Variants in CEP112 observed in about 807,000 individuals in gnomAD.
CEP112 encodes centrosomal protein of 112 kDa.
Under a neutral mutation model 153.0 loss-of-function variants are expected in CEP112, and 127 were observed. That is an observed-to-expected ratio of 0.83 (90% CI 0.72 to 0.96). CEP112 has a LOEUF of 0.96. Among genes scored for constraint, CEP112 ranks in the 40% least tolerant of loss-of-function variants. The probability of loss-of-function intolerance (pLI) is 0.00; values close to 1 mark genes in which losing one functional copy is unlikely to be tolerated. For synonymous variants in CEP112, 358 were observed against 374.4 expected, an observed-to-expected ratio of 0.96 and a Z score of 0.51; for missense variants, 1,089 against 1,101.2, an observed-to-expected ratio of 0.99 and a Z score of 0.16.
At chr17:65,974,571 T>C (rs937664814) in intron 17 of CEP112, among the ~76,000 whole-genome samples, 1 of 152,146 alleles carries the variant, frequency 6.6e-6, no homozygotes, top group Non-Finnish European at 1.5e-5. Flanking sequence ...CATGACAGCA[T>C]CACATGCAAC....
At chr17:65,724,960 G>A (rs750508000) in intron 23 of CEP112, among the ~76,000 whole-genome samples, 19 of 151,986 alleles carry the variant, frequency 1.3e-4, no homozygotes, top group Non-Finnish European at 2.5e-4. Context: ...TGACTTCCTT[G>A]CCCTCTTCTT....
At chr17:66,058,721 G>A (rs1411588227) in intron 11 of CEP112, among the ~76,000 whole-genome samples, 1 of 151,948 alleles carries the variant, frequency 6.6e-6, no homozygotes, top group Non-Finnish European at 1.5e-5. Flanking sequence ...GTGTGGTAAT[G>A]CACACCTGTA....
intron 20 of CEP112, among the ~76,000 whole-genome samples, chr17:65,886,032 C>A (rs1222110402): frequency 1.3e-5 from 2 of 152,174 alleles, no homozygotes; most frequent in Non-Finnish European, 2.9e-5. Context: ...TGGGATTAAA[C>A]CCTTTTCATC....
intron 17 of CEP112, among the ~76,000 whole-genome samples, chr17:65,975,464 A>G (rs1026343643): frequency 6.6e-6 from 1 of 152,206 alleles, no homozygotes; most frequent in African/African-American, 2.4e-5. Flanking sequence ...ATATATACAC[A>G]CACAGGGATG....
intron 8 of CEP112, among the ~76,000 whole-genome samples, chr17:66,086,118 T>G (rs1429404251): frequency 6.6e-6 from 1 of 152,000 alleles, no homozygotes; most frequent in Non-Finnish European, 1.5e-5. Context: ...AAGAATGAGT[T>G]GAGAAAGGGA....
At chr17:66,078,263 C>CTTTTTT (rs573290197) in intron 8 of CEP112, among the ~76,000 whole-genome samples, 1 of 83,856 alleles carries the variant, frequency 1.2e-5, no homozygotes, top group African/African-American at 3.5e-5. Flanking sequence ...TTTTCTTTTT[C>CTTTTTT]TTTTTTTTTT....
At chr17:65,886,360 T>C (rs377015340) in intron 20 of CEP112, among the ~76,000 whole-genome samples, 6 of 152,216 alleles carry the variant, frequency 3.9e-5, no homozygotes. Flanking sequence ...AGCTTTTTAA[T>C]GGCTAAAAAA....
intron 17 of CEP112, among the ~76,000 whole-genome samples, chr17:65,964,590 A>T (rs1351537361): frequency 6.6e-6 from 1 of 152,192 alleles, no homozygotes; most frequent in South Asian, 2.1e-4. Flanking sequence ...TGGCTTGGCA[A>T]ATAGATGCTC....
chr17:65,910,220 T>G (rs2060234623), intron 19 of CEP112, among the ~76,000 whole-genome samples: 1 of 152,150 alleles, frequency 6.6e-6, no homozygotes, highest in African/African-American at 2.4e-5. Flanking sequence ...TATCACGATC[T>G]CATAAAAAAG....
At chr17:66,114,101 A>G (rs959419852) in intron 6 of CEP112, among the ~76,000 whole-genome samples, 11 of 152,254 alleles carry the variant, frequency 7.2e-5, no homozygotes, top group Admixed American at 3.3e-4. Context: ...TTGTATAGAA[A>G]GCAAAGCTGA....
intron 8 of CEP112, among the ~76,000 whole-genome samples, chr17:66,088,425 C>T (rs2068020340): frequency 1.3e-5 from 2 of 152,132 alleles, no homozygotes; most frequent in Admixed American, 6.6e-5. Context: ...AGGAACCAGG[C>T]CAGCCTCCAG....
intron 16 of CEP112, among the ~76,000 whole-genome samples, chr17:66,015,960 A>G (rs1568382042): frequency 6.6e-6 from 1 of 152,182 alleles, no homozygotes; most frequent in African/African-American, 2.4e-5. Flanking sequence ...CTGAAAGGTC[A>G]TTATGCCTTG....
chr17:66,147,478 TAC>T (rs2070969202), intron 4 of CEP112, among the ~76,000 whole-genome samples: 1 of 152,156 alleles, frequency 6.6e-6, no homozygotes, highest in South Asian at 2.1e-4. Flanking sequence ...TCCTTTGATG[TAC>T]AGTTTTTAAT....
intron 8 of CEP112, among the ~76,000 whole-genome samples, chr17:66,074,090 GA>G (rs1489142430): frequency 6.6e-6 from 1 of 151,912 alleles, no homozygotes; most frequent in Non-Finnish European, 1.5e-5. Context: ...AAAATTAAAG[GA>G]AAATATTATT....
intron 17 of CEP112, among the ~76,000 whole-genome samples, chr17:65,965,336 T>C (rs1319321289): frequency 6.6e-6 from 1 of 152,182 alleles, no homozygotes; most frequent in Non-Finnish European, 1.5e-5. Flanking sequence ...TGTTTTATAC[T>C]CAATTATAAG....
intron 16 of CEP112, among the ~76,000 whole-genome samples, chr17:66,023,140 A>G (rs2065067843): frequency 1.3e-5 from 2 of 152,206 alleles, no homozygotes; most frequent in South Asian, 2.1e-4. Flanking sequence ...TAGAAAACCT[A>G]TTTAAGGAAA....
chr17:65,937,543 AG>A (rs2061365369), intron 18 of CEP112, among the ~76,000 whole-genome samples: 2 of 117,908 alleles, frequency 1.7e-5, no homozygotes, highest in South Asian at 3.8e-4. Context: ...CTGCCCGGCC[AG>A]CCGCCCCGTC....
chr17:66,154,285 T>C (rs562313069), intron 4 of CEP112, among the ~76,000 whole-genome samples: 1 of 152,120 alleles, frequency 6.6e-6, no homozygotes, highest in Non-Finnish European at 1.5e-5. Context: ...AAGGCCGAGA[T>C]GGGCAGATCA....
chr17:65,870,069 G>GAAAGAAAGAAAGAAAGAAAGAA (rs1555689570), intron 20 of CEP112, among the ~76,000 whole-genome samples: 1 of 142,958 alleles, frequency 7.0e-6, no homozygotes, highest in Non-Finnish European at 1.5e-5. Flanking sequence ...AAGAAAGAAA[G>GAAAGAAAGAAAGAAAGAAAGAA]AAAGAAAGAA....
Sources: gnomAD v4.1 joint callset for allele counts (sites outside exome capture counted in the v4.1 genomes callset) on GRCh38, gnomAD v4.1.1 for gene constraint, MANE v1.5 for transcripts, NCBI Gene and HGNC (gene_info 2026-07-23, HGNC 2026-07-21) for gene names.